GRK5: variants seen among roughly 807,000 people sequenced by gnomAD.
The protein encoded by GRK5 is g protein-coupled receptor kinase GRK5.
GRK5 carries 40 observed loss-of-function variants against 78.4 expected under a neutral mutation model. That is an observed-to-expected ratio of 0.51 (90% CI 0.40 to 0.66). The LOEUF is 0.66. GRK5 is among the 30% of genes least tolerant of loss of function. GRK5 has a pLI of 0.00. For missense variants in GRK5, 598 were observed against 759.9 expected, an observed-to-expected ratio of 0.79 and a Z score of 2.50; for synonymous variants, 289 against 296.8, an observed-to-expected ratio of 0.97 and a Z score of 0.27.
chr10:119,347,164 G>A (rs1851109213), intron 2 of GRK5, among the ~76,000 whole-genome samples: 1 of 152,144 alleles, frequency 6.6e-6, no homozygotes, highest in Admixed American at 6.5e-5. Context: ...TCTTATTGAT[G>A]GGACACAGAT....
rs916221490 is a variant in GRK5, at chr10:119,452,063, G to A, written c.1405-608G>A. On this transcript the variant is annotated intron_variant, in intron 13 of 15. Coordinates refer to ENST00000392870, the MANE Select transcript of GRK5 (RefSeq NM_005308.3). The surrounding 1 kb of genome is among the most constrained non-coding windows in gnomAD (Gnocchi z 4.4). ...TCATCTCTGCCCTGGCATAGAGCAGGCCCCCAGTGCACAGCTGAGGGACGA... is the reference window on the plus strand; with the variant it reads ...TCATCTCTGCCCTGGCATAGAGCAGACCCCCAGTGCACAGCTGAGGGACGA... 6.6e-6 allele frequency among the ~76,000 whole-genome samples: 1 copy of A among 152,180 alleles called. No individual in the cohort carries two copies. Among genetic ancestry groups the A allele is most frequent in the South Asian group, 2.1e-4 (1 of 4,826 alleles).
At chr10:119,343,721 G>C (rs1174627395) in intron 2 of GRK5, among the ~76,000 whole-genome samples, 2 of 152,228 alleles carry the variant, frequency 1.3e-5, no homozygotes, top group Non-Finnish European at 2.9e-5. Flanking sequence ...CATGCCTCCT[G>C]TCTGAAAGGT....
At chr10:119,334,865 C>T (rs1850847453) in intron 2 of GRK5, 1 of 152,044 alleles carries the variant, frequency 6.6e-6, no homozygotes, top group African/African-American at 2.4e-5. Flanking sequence ...GCTGCTGCGT[C>T]TGGCGTGCCA....
At chr10:119,439,462 G>A (rs904895406) in intron 9 of GRK5, among the ~76,000 whole-genome samples, 1 of 152,260 alleles carries the variant, frequency 6.6e-6, no homozygotes, top group Non-Finnish European at 1.5e-5. Flanking sequence ...GTGAACAGGG[G>A]CCATGACTGG....
At chr10:119,398,096 G>C (rs971796922) in intron 4 of GRK5, among the ~76,000 whole-genome samples, 16 of 152,214 alleles carry the variant, frequency 1.1e-4, no homozygotes, top group African/African-American at 3.9e-4. Context: ...CCACCTTGGG[G>C]GCCTTGCTAT....
chr10:119,249,965 G>A (rs1252358165), intron 1 of GRK5, among the ~76,000 whole-genome samples: 1 of 152,222 alleles, frequency 6.6e-6, no homozygotes, highest in Non-Finnish European at 1.5e-5. Flanking sequence ...GCCCCACTAA[G>A]TCATGCTCCC....
Position 119,425,014 on chromosome 10 carries a change from G to A in GRK5, c.462G>A (p.Arg154=). The part of the protein sequence containing the change: ...ACAQSVHEYL[R]GEPFHEYLDS... ...CTAGGTCTGTCCACGAGTACCTGAGGGGAGAACCATTCCACGAATATCTGG... is the reference window on the plus strand; with the variant it reads ...CTAGGTCTGTCCACGAGTACCTGAGAGGAGAACCATTCCACGAATATCTGG... The change falls in exon 6 of 16, where the codon AGG becomes AGA. Residue 154 remains arginine, a synonymous_variant. Transcript: ENST00000392870. 6.2e-7 allele frequency: 1 copy of A among 1,613,442 alleles called. No homozygotes were observed. The highest frequency in any genetic ancestry group is 8.5e-7 in the Non-Finnish European group (1 of 1,179,446).
intron 6 of GRK5, among the ~76,000 whole-genome samples, chr10:119,429,093 T>G (rs1408556996): frequency 6.6e-6 from 1 of 152,216 alleles, no homozygotes; most frequent in Non-Finnish European, 1.5e-5. Flanking sequence ...GCCGCTCCTG[T>G]GCAGAAGAGC....
intron 4 of GRK5, among the ~76,000 whole-genome samples, chr10:119,407,014 A>AG (rs1852252282): frequency 6.6e-6 from 1 of 152,248 alleles, no homozygotes; most frequent in African/African-American, 2.4e-5. Flanking sequence ...ATGGGCGCCC[A>AG]GGGAAATCTC....
rs972562921 is a variant in GRK5 at position 119,395,895 on chromosome 10, T to C, written c.262-800T>C. On this transcript the variant is annotated intron_variant, in intron 3 of 15. Transcript: ENST00000392870. ...CCCTTCCCACCGCCGGCCCTCGGGA[T>C]CTCCACCTACAGACGAGGGGTTGGG... Among the ~76,000 whole-genome samples, 14 of 152,086 alleles carry C rather than the reference T, an allele frequency of 9.2e-5. 1 individual carries two copies. The highest frequency in any genetic ancestry group is 3.4e-4 in the African/African-American group (14 of 41,372).
chr10:119,441,981 C>A lies in GRK5; in HGVS notation c.968-18C>A. The A allele has an allele frequency of 6.2e-7, 1 of 1,607,444 alleles. No homozygotes were observed. The highest frequency in any genetic ancestry group is 8.5e-7 in the Non-Finnish European group (1 of 1,174,128). ...TGCGGCTGTCCCAGGGACCCACTGA[C>A]CCTGCTGTCCCCCTCAGGCCACATT... On this transcript the variant is annotated intron_variant, in intron 10 of 15. Coordinates refer to ENST00000392870, the MANE Select transcript of GRK5 (RefSeq NM_005308.3).
intron 8 of GRK5, among the ~76,000 whole-genome samples, chr10:119,433,680 C>G (rs565381146): frequency 6.6e-6 from 1 of 152,346 alleles, no homozygotes; most frequent in East Asian, 1.9e-4. Flanking sequence ...CAGTTCCCAG[C>G]CTGGCCCACG....
chr10:119,311,970 G>C (rs1475266805), intron 1 of GRK5, among the ~76,000 whole-genome samples: 2 of 142,838 alleles, frequency 1.4e-5, no homozygotes, highest in Admixed American at 7.2e-5. Flanking sequence ...GGCTGGAGTA[G>C]AGTGGCGCGA....
chr10:119,454,637 A>T (rs550411088), intron 15 of GRK5, among the ~76,000 whole-genome samples: 2 of 152,292 alleles, frequency 1.3e-5, no homozygotes, highest in African/African-American at 4.8e-5. Context: ...GGAAACTGGG[A>T]GATGGAATTG....
In GRK5 at chr10:119,371,250, C is replaced by T. The variant is rs547670632; in HGVS notation, c.149-9565C>T. Among the ~76,000 whole-genome samples, 20 of 152,332 alleles carry T rather than the reference C, an allele frequency of 1.3e-4. No individual in the cohort carries two copies. The East Asian group carries it at 3.9e-3, about 29-fold the overall frequency. On this transcript the variant is annotated intron_variant, in intron 2 of 15. Transcript: ENST00000392870. ...CCCCAGGGATGGCCGCCCACTCTCC[C>T]CTAGCCCGGTGGGAGGGCCTGGCTG...
Position 119,305,152 on chromosome 10 carries a change from G to A in GRK5, c.53-21364G>A, listed in dbSNP as rs546133249. Among the ~76,000 whole-genome samples, 353 of 152,272 alleles carry A rather than the reference G, an allele frequency of 2.3e-3. 2 individuals carry two copies. The highest frequency in any genetic ancestry group is 0.01 in the Middle Eastern group (3 of 294). On this transcript the variant is annotated intron_variant, in intron 1 of 15. Transcript: ENST00000392870. ...TGGTTGGCAGCGAGGACTTGACCTA[G>A]AGCCTCTGACCTTCCACCTCCCTGG...
intron 3 of GRK5, among the ~76,000 whole-genome samples, chr10:119,384,899 G>C (rs2133835744): frequency 6.6e-6 from 1 of 152,304 alleles, no homozygotes; most frequent in East Asian, 1.9e-4. Context: ...AAAAACAACT[G>C]GAGCAGGTTA....
intron 1 of GRK5, among the ~76,000 whole-genome samples, chr10:119,313,767 C>T (rs1282623909): frequency 6.6e-6 from 1 of 152,146 alleles, no homozygotes; most frequent in African/African-American, 2.4e-5. Context: ...CTCTCAGGCC[C>T]CATGTGCTGG....
intron 2 of GRK5, among the ~76,000 whole-genome samples, chr10:119,326,895 C>G (rs1457730784): frequency 6.6e-6 from 1 of 152,266 alleles, no homozygotes; most frequent in African/African-American, 2.4e-5. Flanking sequence ...TAATATTTCA[C>G]TTCACCTTTC....
Sources: gnomAD v4.1 joint callset for allele counts (sites outside exome capture counted in the v4.1 genomes callset) on GRCh38, gnomAD v4.1.1 for gene constraint, Gnocchi (gnomAD v3.1) non-coding constraint, MANE v1.5 for transcripts, NCBI Gene and HGNC (gene_info 2026-07-23, HGNC 2026-07-21) for gene names.